Variants in TP53TG5 observed in about 807,000 individuals in gnomAD.
The protein encoded by TP53TG5 is TP53-target gene 5 protein.
A neutral mutation model predicts 30.0 loss-of-function variants in TP53TG5; 17 were observed. The ratio of observed to expected loss-of-function variants is 0.57; its 90% CI spans 0.39 to 0.85. The LOEUF (loss-of-function observed/expected upper bound fraction) is 0.85, where lower values mean the gene tolerates loss of function less well. Ranked by LOEUF, TP53TG5 falls within the 40% of genes least tolerant of loss-of-function variation. The pLI is 0.00. For synonymous variants in TP53TG5, 137 were observed against 139.2 expected (o/e 0.98, Z 0.11); for missense variants, 338 against 367.9 (o/e 0.92, Z 0.67).
At chr20:45,375,651 G>T (rs1159408693) in intron 3 of TP53TG5, 99 bp from the exon 4 acceptor site, 23 of 1,447,546 alleles carry the variant, frequency 1.6e-5, no homozygotes, top group African/African-American at 2.8e-5. Context: ...GTTAAGAAAG[G>T]CTAGAGGGGC....
rs1464037985 is a variant in TP53TG5, at chr20:45,372,814, A to C, written c.*1093T>G. The C allele has an allele frequency of 6.6e-6, 1 of 152,138 alleles. No homozygotes were observed. Among genetic ancestry groups the C allele is most frequent in the African/African-American group, 2.4e-5 (1 of 41,378 alleles). The allele number at this position is 152,138 out of a possible 1,614,324, so 9.4% of individuals were successfully genotyped here. On this transcript the variant is annotated 3_prime_UTR_variant, in exon 5 of 5. Transcript: ENST00000372726. ...AGGAGCTCGGGAGCACGCAGCAGCC[A>C]CTATGAGGTGCTAAGCAGTCCCCGC...
Position 45,373,736 on chromosome 20 carries a change from G to A in TP53TG5, c.*171C>T. On this transcript the variant is annotated 3_prime_UTR_variant, in exon 5 of 5. Coordinates refer to ENST00000372726, the MANE Select transcript of TP53TG5 (RefSeq NM_014477.3). ...CGGAGGTGGGGGAGGGGTGCTGCTCGCTGGCTTCTTTGGTTCTAGACTGAC... is the reference window on the plus strand; with the variant it reads ...CGGAGGTGGGGGAGGGGTGCTGCTCACTGGCTTCTTTGGTTCTAGACTGAC... 2 of 627,464 alleles carry A rather than the reference G, an allele frequency of 3.2e-6. No individual in the cohort carries two copies. Among genetic ancestry groups the A allele is most frequent in the Non-Finnish European group, 5.6e-6 (2 of 356,732 alleles). 38.9% of individuals were successfully genotyped at this position (627,464 alleles called of 1,614,324 possible). A position where few individuals can be genotyped will look rare whatever the true frequency, so the allele number is the denominator to read the frequency against.
chr20:45,372,931 TGGGAGGGGGGGA>T lies in TP53TG5; in HGVS notation c.*964_*975del, dbSNP rs1172187945. 1 of 6,962 alleles carries T rather than the reference TGGGAGGGGGGGA, an allele frequency of 1.4e-4. No homozygotes were observed. Among genetic ancestry groups the T allele is most frequent in the Admixed American group, 1.7e-3 (1 of 574 alleles). 0.4% of individuals were successfully genotyped at this position (6,962 alleles called of 1,614,324 possible). On this transcript the variant is annotated 3_prime_UTR_variant, in exon 5 of 5. Transcript: ENST00000372726. ...GGGAGGAGTGTGTGAGTGGGCGGGGTGGGAGGGGGGGAGAGTCCATCCAATCGTTCTCCCTCT... is the reference window on the plus strand; with the variant it reads ...GGGAGGAGTGTGTGAGTGGGCGGGGTGAGTCCATCCAATCGTTCTCCCTCT...
chr20:45,376,144 C>G (rs1234811425), intron 3 of TP53TG5: 4 of 152,108 alleles, frequency 2.6e-5, no homozygotes, highest in Non-Finnish European at 5.9e-5. Flanking sequence ...CCTTCTAGCT[C>G]TATGTTTCCT....
rs1600754416 is a variant in TP53TG5, at chr20:45,373,831, C to T, written c.*76G>A. On this transcript the variant is annotated 3_prime_UTR_variant, in exon 5 of 5. Coordinates refer to ENST00000372726, the MANE Select transcript of TP53TG5 (RefSeq NM_014477.3). The stretch of plus-strand genomic sequence containing the variant: ...CACAGGCTCCCTCTACCGAAGGCCT[C>T]TTTCCTTCATCCTTCCCAGCCCCAG... 8.9e-6 allele frequency: 13 copies of T among 1,458,488 alleles called. No homozygotes were observed. In the East Asian group the frequency reaches 2.9e-4, roughly 33 times the overall value. The allele number at this position is 1,458,488 out of a possible 1,614,324, so 90.3% of individuals were successfully genotyped here.
intron 4 of TP53TG5, chr20:45,374,339 C>T: frequency 2.9e-6 from 2 of 681,020 alleles, no homozygotes; most frequent in South Asian, 3.2e-5. Flanking sequence ...GTGGCGAAGT[C>T]ACAGCTCACT....
intron 4 of TP53TG5, chr20:45,374,706 C>A (rs1372738087): frequency 4.6e-6 from 2 of 439,032 alleles, no homozygotes; most frequent in Middle Eastern, 6.0e-4. Flanking sequence ...AATCCTTAAA[C>A]CCACTTATGT....
Position 45,375,158 on chromosome 20 carries a change from G to T in TP53TG5, c.649C>A (p.Arg217=), listed in dbSNP as rs570020108. 3 of 1,614,182 alleles carry T rather than the reference G, an allele frequency of 1.9e-6. No homozygotes were observed. Among genetic ancestry groups the T allele is most frequent in the African/African-American group, 1.3e-5 (1 of 75,048 alleles). The change falls in exon 4 of 5, where the codon CGA becomes AGA. Residue 217 remains arginine, a synonymous_variant. Coordinates refer to ENST00000372726, the MANE Select transcript of TP53TG5 (RefSeq NM_014477.3). ...ACCCTGGGCGCCGGGAGGTGGATTC[G>T]TGTGGGCAGCCCCTCAAACCAGATC... ...QWIWFEGLPT[R]IHLPAPRVMC... is the part of the protein sequence containing the mutation.
At chr20:45,378,072 T>G in intron 1 of TP53TG5, 117 bp downstream of exon 1, 1 of 1,422,674 alleles carries the variant, frequency 7.0e-7, no homozygotes, top group Non-Finnish European at 9.8e-7. Flanking sequence ...TGACCTCCCT[T>G]CACCCTTCAC....
intron 3 of TP53TG5, chr20:45,376,697 T>C (rs1988744089): frequency 6.6e-6 from 1 of 152,138 alleles, no homozygotes; most frequent in Non-Finnish European, 1.5e-5. Context: ...CAATCAATGT[T>C]AGCTTTCTTA....
rs1021758785 is a variant in TP53TG5 at position 45,375,230 on chromosome 20, T to C, written c.577A>G (p.Arg193Gly). ...RVIFIKPYRN[R>G]TPMGHMKQLD... is the part of the protein sequence containing the mutation. ...TGCTTCATGTGCCCCATGGGAGTTC[T>C]ATTGCGGTAGGGCTTAATGAAGATG... The change falls in exon 4 of 5, where the codon AGA (arginine) becomes GGA (glycine). Residue 193 changes from arginine to glycine, a missense_variant. By Grantham distance (125) the Arg-to-Gly change is moderately radical (BLOSUM62 -2). Coordinates refer to ENST00000372726, the MANE Select transcript of TP53TG5 (RefSeq NM_014477.3). The C allele has an allele frequency of 1.2e-6, 2 of 1,614,084 alleles. No individual in the cohort carries two copies. Among genetic ancestry groups the C allele is most frequent in the African/African-American group, 2.7e-5 (2 of 74,930 alleles).
In TP53TG5 at chr20:45,375,253, A is replaced by T; in HGVS notation, c.554T>A (p.Ile185Asn). 6.2e-7 allele frequency: 1 copy of T among 1,614,088 alleles called. No homozygotes were observed. Among genetic ancestry groups the T allele is most frequent in the Non-Finnish European group, 8.5e-7 (1 of 1,180,004 alleles). ...TCTATTGCGGTAGGGCTTAATGAAG[A>T]TGACTCGGGGGCCCTCGGTGAGTGG... ...RQPLTEGPRV[I>N]FIKPYRNRTP... Residue 185 changes from isoleucine (I) to asparagine (N), a missense_variant, in exon 4 of 5, where the codon ATC becomes AAC. Ile to Asn is a moderately radical substitution (Grantham distance 149, BLOSUM62 -3). Transcript: ENST00000372726.
Position 45,377,350 on chromosome 20 carries a change from G to A in TP53TG5, c.124-8C>T, listed in dbSNP as rs2231615. 4,899 of 1,613,966 alleles carry A rather than the reference G, an allele frequency of 3.0e-3. 115 individuals carry two copies. The African/African-American group carries it at 0.056, about 19-fold the overall frequency. On this transcript the variant is annotated splice_polypyrimidine_tract_variant and splice_region_variant and intron_variant, in intron 2 of 4. Transcript: ENST00000372726. ...CGACAAGTTTTTTAACACCTGCCAG[G>A]GTCAAGAAACCAGGTAAATAGAAGC...
chr20:45,375,441 C>T lies in TP53TG5; in HGVS notation c.366G>A (p.Lys122=), dbSNP rs771391438. ...SKKLESTGDP[K]KKEYKEWKSQ... The stretch of plus-strand genomic sequence containing the variant: ...ACTTCCACTCCTTGTACTCTTTTTT[C>T]TTAGGGTCCCCTGTGGACTCTAATT... Residue 122 remains lysine (K), a synonymous_variant, in exon 4 of 5, where the codon AAG becomes AAA. Transcript: ENST00000372726. 3 of 1,613,974 alleles carry T rather than the reference C, an allele frequency of 1.9e-6. No homozygotes were observed. Among genetic ancestry groups the T allele is most frequent in the Non-Finnish European group, 2.5e-6 (3 of 1,180,018 alleles).
At position 45,375,477 on chromosome 20, in the gene TP53TG5, G is replaced by C. The variant is rs750302159; in HGVS notation, c.330C>G (p.Leu110=). ...CTGTGGACTCTAATTTCTTGGACTT[G>C]AGTTCCTTCTCGGAGCACCCGATCT... The part of the protein sequence containing the change: ...FQEIGCSEKE[L]KSKKLESTGD... Residue 110 remains leucine, a synonymous_variant, in exon 4 of 5, where the codon CTC becomes CTG. Coordinates refer to ENST00000372726, the MANE Select transcript of TP53TG5 (RefSeq NM_014477.3). 1 of 1,613,632 alleles carries C rather than the reference G, an allele frequency of 6.2e-7. No individual in the cohort carries two copies. Among genetic ancestry groups the C allele is most frequent in the Non-Finnish European group, 8.5e-7 (1 of 1,179,934 alleles).
intron 4 of TP53TG5, chr20:45,374,837 C>G: frequency 1.5e-6 from 1 of 645,338 alleles, no homozygotes. Flanking sequence ...TATCCTGAGA[C>G]GCCTCAACCT....
rs768539600 is a variant in TP53TG5, at chr20:45,377,604, C to T, written c.58G>A (p.Glu20Lys). ...TGCTCTGTCTCGTCCCGCAGTTTCT[C>T]ATCTTGCATCTGAGGGACAGAGGAT... ...KNSRVSKMQD[E>K]KLRDETEQPV... The change falls in exon 2 of 5, where the codon GAG becomes AAG. Residue 20 changes from glutamate to lysine, a missense_variant. Coordinates refer to ENST00000372726, the MANE Select transcript of TP53TG5 (RefSeq NM_014477.3). 1 of 1,613,880 alleles carries T rather than the reference C, an allele frequency of 6.2e-7. No homozygotes were observed. Among genetic ancestry groups the T allele is most frequent in the Non-Finnish European group, 8.5e-7 (1 of 1,179,932 alleles).
intron 4 of TP53TG5, chr20:45,374,707 C>A: frequency 2.3e-6 from 1 of 437,664 alleles, no homozygotes; most frequent in Non-Finnish European, 4.0e-6. Context: ...ATCCTTAAAC[C>A]CACTTATGTA....
At chr20:45,377,858 C>T (rs1037491103) in intron 1 of TP53TG5, among the ~76,000 whole-genome samples, 1 of 152,204 alleles carries the variant, frequency 6.6e-6, no homozygotes, top group Non-Finnish European at 1.5e-5. Context: ...AGGAGAATCA[C>T]TTGAACCCAG....
Sources: allele counts gnomAD v4.1 joint callset (sites outside exome capture counted in the v4.1 genomes callset), GRCh38; gene constraint gnomAD v4.1.1; transcripts MANE v1.5; gene names NCBI Gene and HGNC (gene_info 2026-07-23, HGNC 2026-07-21).